Variants in ZFYVE1 observed in about 807,000 individuals in gnomAD.
ZFYVE1 encodes zinc finger FYVE domain-containing protein 1.
Under a neutral mutation model 74.4 loss-of-function variants are expected in ZFYVE1, and 30 were observed. The ratio of observed to expected loss-of-function variants is 0.40; its 90% CI spans 0.30 to 0.55. ZFYVE1 has a LOEUF of 0.55. ZFYVE1 is among the 20% of genes least tolerant of loss of function. The probability of loss-of-function intolerance (pLI) is 0.42; values close to 1 mark genes in which losing one functional copy is unlikely to be tolerated. For missense variants in ZFYVE1, 703 were observed against 1,011.6 expected (o/e 0.69, Z 4.14); for synonymous variants, 335 against 385.1 (o/e 0.87, Z 1.52).
At chr14:73,000,988 T>C (rs1893857548) in intron 2 of ZFYVE1, among the ~76,000 whole-genome samples, 1 of 152,248 alleles carries the variant, frequency 6.6e-6, no homozygotes, top group Non-Finnish European at 1.5e-5. Context: ...TGACCTGACT[T>C]GGCAGAAATT....
chr14:72,975,092 T>C lies in ZFYVE1; in HGVS notation c.1807-133A>G. On this transcript the variant is annotated intron_variant, in intron 9 of 11. Transcript: ENST00000556143. This position sits in a 1 kb window ranked among gnomAD's most constrained non-coding sequence, Gnocchi z 4.1. The stretch of plus-strand genomic sequence containing the variant: ...CGTTAGCTCAACAAGGACAAGAGCT[T>C]TCTAGTAACGCGTTATCTGAGAATG... 1.1e-6 allele frequency: 1 copy of C among 926,302 alleles called. No individual in the cohort carries two copies. 57.4% of individuals were successfully genotyped at this position (926,302 alleles called of 1,614,324 possible). A position where few individuals can be genotyped will look rare whatever the true frequency, so the allele number is the denominator to read the frequency against.
rs546611608 is a variant in ZFYVE1, at chr14:72,993,012, G to A, written c.1203+131C>T. ...TCTGACAGGTGCGGACTCCATTCAT[G>A]TGCTTCCGCTTCTTATAACCTCTTT... is the stretch of plus-strand genomic sequence containing the variant. On this transcript the variant is annotated intron_variant, in intron 4 of 11. Coordinates refer to ENST00000556143, the MANE Select transcript of ZFYVE1 (RefSeq NM_021260.4). 1.4e-4 allele frequency: 118 copies of A among 863,542 alleles called. No homozygotes were observed. The African/African-American group carries it at 1.8e-3, about 13-fold the overall frequency. The allele number at this position is 863,542 out of a possible 1,614,324, so 53.5% of individuals were successfully genotyped here.
chr14:73,019,009 T>C (rs536848963), intron 2 of ZFYVE1, among the ~76,000 whole-genome samples: 56 of 152,242 alleles, frequency 3.7e-4, no homozygotes, highest in Admixed American at 3.1e-3. Flanking sequence ...ATGGATGTCT[T>C]TGGCTAGCAG....
Position 72,975,404 on chromosome 14 carries a change from C to T in ZFYVE1, c.1806+147G>A. On this transcript the variant is annotated intron_variant, in intron 9 of 11. Coordinates refer to ENST00000556143, the MANE Select transcript of ZFYVE1 (RefSeq NM_021260.4). The surrounding 1 kb of genome is among the most constrained non-coding windows in gnomAD (Gnocchi z 4.1). ...AAAGAGAAACTGGCTGCCTCAACGACTCCTCCCCTTGCCGGTACTCACAGA... is the reference window on the plus strand; with the variant it reads ...AAAGAGAAACTGGCTGCCTCAACGATTCCTCCCCTTGCCGGTACTCACAGA... The T allele has an allele frequency of 9.8e-7, 1 of 1,017,814 alleles. No individual in the cohort carries two copies. 63.0% of individuals were successfully genotyped at this position (1,017,814 alleles called of 1,614,324 possible).
intron 2 of ZFYVE1, among the ~76,000 whole-genome samples, chr14:73,001,176 T>C (rs889672885): frequency 6.7e-6 from 1 of 148,262 alleles, no homozygotes; most frequent in Non-Finnish European, 1.5e-5. Context: ...CTAGTATTGG[T>C]TGTTTTTTTC....
chr14:73,013,800 A>G (rs1463573028), intron 2 of ZFYVE1, among the ~76,000 whole-genome samples: 3 of 150,528 alleles, frequency 2.0e-5, no homozygotes, highest in Non-Finnish European at 4.4e-5. Context: ...CCGATTTCCC[A>G]TCAAGCAAAT....
chr14:73,022,529 T>C (rs1594869339), intron 2 of ZFYVE1, among the ~76,000 whole-genome samples: 1 of 152,296 alleles, frequency 6.6e-6, no homozygotes, highest in Middle Eastern at 3.4e-3. Context: ...ATAAAAATCA[T>C]TTAAGCTGTG....
At chr14:73,002,900 C>A (rs1320068552) in intron 2 of ZFYVE1, among the ~76,000 whole-genome samples, 7 of 151,328 alleles carry the variant, frequency 4.6e-5, no homozygotes, top group Non-Finnish European at 7.4e-5. Flanking sequence ...CGCCACCACG[C>A]CCGGCTAATT....
chr14:72,975,641 G>A lies in ZFYVE1; in HGVS notation c.1716C>T (p.Ser572=), dbSNP rs374928375. The A allele has an allele frequency of 1.7e-5, 28 of 1,614,060 alleles. No individual in the cohort carries two copies. Among genetic ancestry groups the A allele is most frequent in the African/African-American group, 1.3e-4 (10 of 74,920 alleles). Reference sequence around the variant, plus strand: ...CCTTGGTGGGTCCAAGGCTAAGCTCGGACACCGACTGAGCCATGAAGTTCA... The same window carrying A: ...CCTTGGTGGGTCCAAGGCTAAGCTCAGACACCGACTGAGCCATGAAGTTCA... ...DGMNFMAQSV[S]ELSLGPTKAV... The change falls in exon 9 of 12, where the codon TCC becomes TCT. Residue 572 remains serine, a synonymous_variant. Transcript: ENST00000556143. The surrounding 1 kb of genome is among the most constrained non-coding windows in gnomAD (Gnocchi z 4.1).
rs762875586 is a variant in ZFYVE1, at chr14:73,024,228, G to T, written c.281C>A (p.Thr94Asn). 2 of 1,614,130 alleles carry T rather than the reference G, an allele frequency of 1.2e-6. No homozygotes were observed. The highest frequency in any genetic ancestry group is 2.2e-5 in the South Asian group (2 of 91,072). Residue 94 changes from threonine to asparagine, a missense_variant, in exon 2 of 12, where the codon ACC (threonine) becomes AAC (asparagine). By Grantham distance (65) the Thr-to-Asn change is moderately conservative (BLOSUM62 0). Around this residue, in one of 2 missense-constraint regions of ZFYVE1, gnomAD observed 211 missense variants for 221.7 expected, o/e 0.95. Coordinates refer to ENST00000556143, the MANE Select transcript of ZFYVE1 (RefSeq NM_021260.4). ...VRQRAIVRCQ[T>N]CKINLCLECQ... ...CTCCAGGCACAAGTTAATTTTGCAG[G>T]TCTGGCACCTCACTATTGCCCTCTG... is the stretch of plus-strand genomic sequence containing the variant.
intron 4 of ZFYVE1, among the ~76,000 whole-genome samples, chr14:72,992,614 T>TGGGGGGGGGGGGGGGGGGGGGG (rs1893639948): frequency 9.9e-6 from 1 of 101,454 alleles, no homozygotes; most frequent in Non-Finnish European, 2.1e-5. Flanking sequence ...CCCATTCAGG[T>TGGGGGGGGGGGGGGGGGGGGGG]GCCCCCCCCG....
chr14:73,023,262 A>ATATATAATATATATTATATATGTTT (rs1894364927), intron 2 of ZFYVE1, among the ~76,000 whole-genome samples: 8 of 113,110 alleles, frequency 7.1e-5, no homozygotes, highest in South Asian at 2.4e-4. Context: ...TATATGTTTT[A>ATATATAATATATATTATATATGTTT]TATATAATAT....
intron 4 of ZFYVE1, among the ~76,000 whole-genome samples, chr14:72,989,818 GA>G (rs1893566854): frequency 6.6e-6 from 1 of 151,078 alleles, no homozygotes; most frequent in East Asian, 1.9e-4. Flanking sequence ...AAAAGAAAAA[GA>G]AAAAAAGAAA....
chr14:73,007,843 C>T (rs1004659812), intron 2 of ZFYVE1, among the ~76,000 whole-genome samples: 1 of 152,136 alleles, frequency 6.6e-6, no homozygotes, highest in African/African-American at 2.4e-5. Flanking sequence ...TTCATTCTAT[C>T]CTAAAGGGTA....
intron 10 of ZFYVE1, among the ~76,000 whole-genome samples, 172 bp downstream of exon 10, chr14:72,974,607 C>T (rs1893117704): frequency 1.3e-5 from 2 of 152,186 alleles, no homozygotes; most frequent in Admixed American, 1.3e-4. Flanking sequence ...CCCTGAGGAA[C>T]AGCACCCATA....
intron 1 of ZFYVE1, among the ~76,000 whole-genome samples, chr14:73,025,177 T>C (rs1894431980): frequency 6.6e-6 from 1 of 151,530 alleles, no homozygotes; most frequent in Admixed American, 6.6e-5. Context: ...CAAGCGATTC[T>C]CCTGCCTCAG....
At position 72,974,894 on chromosome 14, in the gene ZFYVE1, C is replaced by A. The variant is rs968304247; in HGVS notation, c.1872G>T (p.Gly624=). 2.5e-6 allele frequency: 4 copies of A among 1,614,006 alleles called. No homozygotes were observed. The African/African-American group carries it at 5.3e-5, about 22-fold the overall frequency. ...ATGAACAGCTGTCACAGAAGCCCTC[C>A]CCACAGGCTCGGCAGTGATGCTTAG... is the stretch of plus-strand genomic sequence containing the variant. The part of the protein sequence containing the change: ...NDTKHHCRAC[G]EGFCDSCSSK... Residue 624 remains glycine (G), a synonymous_variant, in exon 10 of 12, where the codon GGG becomes GGT. Transcript: ENST00000556143.
intron 4 of ZFYVE1, among the ~76,000 whole-genome samples, chr14:72,986,215 G>A (rs1893475465): frequency 1.3e-5 from 2 of 152,154 alleles, no homozygotes; most frequent in African/African-American, 2.4e-5. Flanking sequence ...ATTTGCCACA[G>A]TACATATGCC....
intron 4 of ZFYVE1, chr14:72,986,892 C>G (rs963550417): frequency 1.0e-6 from 1 of 985,284 alleles, no homozygotes; most frequent in Non-Finnish European, 1.2e-6. Context: ...AATTCCAAAC[C>G]TCACATCATT....
Sources: gnomAD v4.1 joint callset for allele counts (sites outside exome capture counted in the v4.1 genomes callset) on GRCh38, gnomAD v4.1.1 for gene constraint, gnomAD v4.1.1 regional missense constraint, Gnocchi (gnomAD v3.1) non-coding constraint, MANE v1.5 for transcripts, NCBI Gene and HGNC (gene_info 2026-07-23, HGNC 2026-07-21) for gene names.